The following CHSY3 variants were observed in gnomAD, a reference collection of about 807,000 sequenced individuals.
The protein encoded by CHSY3 is N-acetylgalactosaminyl-proteoglycan 3-beta-glucuronosyltransferase 3.
CHSY3 carries 35 observed loss-of-function variants against 67.2 expected under a neutral mutation model. The ratio of observed to expected loss-of-function variants is 0.52; its 90% CI spans 0.40 to 0.69. The LOEUF is 0.69. Ranked by LOEUF, CHSY3 falls within the 30% of genes least tolerant of loss-of-function variation. The pLI is 0.00. For missense variants in CHSY3, 1,069 were observed against 1,138.5 expected (o/e 0.94, Z 0.88); for synonymous variants, 474 against 434.7 (o/e 1.09, Z -1.12).
chr5:129,991,656 T>A (rs369185912), intron 2 of CHSY3, among the ~76,000 whole-genome samples: 1 of 152,154 alleles, frequency 6.6e-6, no homozygotes, highest in East Asian at 1.9e-4. Flanking sequence ...CTATAAGTAA[T>A]GTAACTGGCA....
At chr5:130,044,548 A>T (rs1561510915) in intron 2 of CHSY3, among the ~76,000 whole-genome samples, 1 of 152,042 alleles carries the variant, frequency 6.6e-6, no homozygotes, top group East Asian at 1.9e-4. Context: ...GAAATAAGTG[A>T]CTCTAAAAGG....
chr5:129,934,056 G>C (rs1333159188), intron 2 of CHSY3, among the ~76,000 whole-genome samples: 1 of 152,032 alleles, frequency 6.6e-6, no homozygotes, highest in Non-Finnish European at 1.5e-5. Flanking sequence ...GATGATTTTA[G>C]ATTTGTGTGA....
chr5:130,033,453 G>A (rs1025897528), intron 2 of CHSY3, among the ~76,000 whole-genome samples: 1 of 152,158 alleles, frequency 6.6e-6, no homozygotes, highest in African/African-American at 2.4e-5. Flanking sequence ...CTGATCCATA[G>A]ATGTGCAATT....
chr5:130,062,693 T>G (rs1438038130), intron 2 of CHSY3, among the ~76,000 whole-genome samples: 2 of 152,124 alleles, frequency 1.3e-5, no homozygotes, highest in Non-Finnish European at 2.9e-5. Context: ...AGAGACCTAA[T>G]TTTTCAACAT....
intron 2 of CHSY3, among the ~76,000 whole-genome samples, chr5:129,924,594 C>T (rs1020099443): frequency 1.3e-5 from 2 of 150,138 alleles, no homozygotes; most frequent in East Asian, 2.0e-4. Context: ...TGCAGTGAGC[C>T]GAGATCATGC....
intron 2 of CHSY3, among the ~76,000 whole-genome samples, chr5:130,142,763 T>G (rs990539155): frequency 2.0e-5 from 3 of 152,168 alleles, no homozygotes; most frequent in African/African-American, 7.2e-5. Context: ...AGACAGAGAA[T>G]CCATGGTCTT....
Position 130,019,640 on chromosome 5 carries a change from C to T in CHSY3, c.1086+111280C>T, listed in dbSNP as rs115119417. ...GGCTTACCCCTCAAAATAACAACCT[C>T]GTTTATCTTTCCCTGGTAGAATGTC... On this transcript the variant is annotated intron_variant, in intron 2 of 2. Transcript: ENST00000305031. Among the ~76,000 whole-genome samples, 517 of 152,270 alleles carry T rather than the reference C, an allele frequency of 3.4e-3. 4 individuals carry two copies. Among genetic ancestry groups the T allele is most frequent in the African/African-American group, 0.012 (497 of 41,546 alleles).
chr5:130,140,923 C>A, intron 2 of CHSY3: 1 of 821,394 alleles, frequency 1.2e-6, no homozygotes, highest in Non-Finnish European at 1.5e-6. Context: ...TTTTCCATGC[C>A]TTATTTGAAG....
chr5:129,933,056 T>C (rs1761369255), intron 2 of CHSY3, among the ~76,000 whole-genome samples: 2 of 152,176 alleles, frequency 1.3e-5, no homozygotes, highest in African/African-American at 4.8e-5. Context: ...TAAAAAATGC[T>C]TTATGTAGCA....
At chr5:130,181,073 A>C (rs1383038335) in intron 2 of CHSY3, among the ~76,000 whole-genome samples, 1 of 152,076 alleles carries the variant, frequency 6.6e-6, no homozygotes, top group African/African-American at 2.4e-5. Context: ...TCTTTCTCAG[A>C]GGGTGAGATC....
At chr5:130,087,824 A>G (rs1766709203) in intron 2 of CHSY3, among the ~76,000 whole-genome samples, 1 of 151,510 alleles carries the variant, frequency 6.6e-6, no homozygotes, top group Non-Finnish European at 1.5e-5. Context: ...TGCCATCCCC[A>G]TCAAGCTACC....
chr5:130,141,220 T>G (rs1302791708), intron 2 of CHSY3: 1 of 484,122 alleles, frequency 2.1e-6, no homozygotes, highest in Non-Finnish European at 4.1e-6. Context: ...ACTCCTCTTT[T>G]TCTTGGTATT....
At chr5:130,059,706 C>T (rs1234613101) in intron 2 of CHSY3, among the ~76,000 whole-genome samples, 6 of 152,032 alleles carry the variant, frequency 3.9e-5, no homozygotes, top group Admixed American at 3.9e-4. Flanking sequence ...CTACAACTAC[C>T]CTATAATTAG....
chr5:130,116,097 C>A (rs1011290099), intron 2 of CHSY3, among the ~76,000 whole-genome samples: 2 of 152,154 alleles, frequency 1.3e-5, no homozygotes, highest in South Asian at 2.1e-4. Flanking sequence ...ATCCCTCTGG[C>A]AATTTCTTCA....
At chr5:130,001,973 A>T (rs1368229511) in intron 2 of CHSY3, 2 of 872,086 alleles carry the variant, frequency 2.3e-6, no homozygotes, top group East Asian at 1.2e-4. Flanking sequence ...TATATTGGCT[A>T]CAATAAGCCA....
At position 130,178,253 on chromosome 5, in the gene CHSY3, A is replaced by ATATATAT. The variant is rs1205782386; in HGVS notation, c.1087-5975_1087-5974insATATATT. Among the ~76,000 whole-genome samples, 95 of 45,904 alleles carry ATATATAT rather than the reference A, an allele frequency of 2.1e-3. 3 individuals are homozygous for ATATATAT. Among genetic ancestry groups the ATATATAT allele is most frequent in the East Asian group, 7.4e-3 (8 of 1,080 alleles). The allele number at this position is 45,904 out of a possible 152,430, so 30.1% of individuals were successfully genotyped here. Reference sequence around the variant, plus strand: ...TATATATATATATATATATATATATATTTTTTTTTTTTTTTTTCCTGAGAC... The same window carrying ATATATAT: ...TATATATATATATATATATATATATATATATATTTTTTTTTTTTTTTTTTCCTGAGAC... On this transcript the variant is annotated intron_variant, in intron 2 of 2. Transcript: ENST00000305031.
At chr5:130,039,609 G>A (rs981167258) in intron 2 of CHSY3, among the ~76,000 whole-genome samples, 11 of 148,402 alleles carry the variant, frequency 7.4e-5, no homozygotes, top group East Asian at 2.1e-4. Flanking sequence ...GCACAATAAC[G>A]GCTCAGATTC....
At chr5:130,078,351 T>A (rs987031059) in intron 2 of CHSY3, among the ~76,000 whole-genome samples, 1 of 152,116 alleles carries the variant, frequency 6.6e-6, no homozygotes, top group Non-Finnish European at 1.5e-5. Context: ...GTGTGTATTG[T>A]TTCATGAAGA....
intron 2 of CHSY3, among the ~76,000 whole-genome samples, chr5:130,044,451 G>C (rs1185882940): frequency 1.3e-5 from 2 of 152,218 alleles, no homozygotes; most frequent in Admixed American, 6.5e-5. Context: ...TGAAGCATGA[G>C]TGGTAGGAGA....
Sources: allele counts gnomAD v4.1 joint callset (sites outside exome capture counted in the v4.1 genomes callset), GRCh38; gene constraint gnomAD v4.1.1; transcripts MANE v1.5; gene names NCBI Gene and HGNC (gene_info 2026-07-23, HGNC 2026-07-21).